The following PKIG variants were observed in gnomAD, a reference collection of about 807,000 sequenced individuals.
PKIG encodes cAMP-dependent protein kinase inhibitor gamma.
PKIG carries 1 observed loss-of-function variant against 6.8 expected under a neutral mutation model. That is an observed-to-expected ratio of 0.15 (90% CI 0.05 to 0.69). The LOEUF (loss-of-function observed/expected upper bound fraction) is 0.69, where lower values mean the gene tolerates loss of function less well. Among genes scored for constraint, PKIG ranks in the 30% least tolerant of loss-of-function variants. PKIG has a pLI of 0.82. For missense variants in PKIG, 77 were observed against 104.0 expected (o/e 0.74, Z 1.13); for synonymous variants, 39 against 43.0 (o/e 0.91, Z 0.36).
intron 1 of PKIG, among the ~76,000 whole-genome samples, chr20:44,553,144 G>A (rs576775793): frequency 6.6e-6 from 1 of 152,228 alleles, no homozygotes; most frequent in South Asian, 2.1e-4. Flanking sequence ...TAACAACCTT[G>A]CAAGAGAGAG....
chr20:44,606,801 T>TC (rs1389972103), intron 2 of PKIG, among the ~76,000 whole-genome samples: 1 of 152,164 alleles, frequency 6.6e-6, no homozygotes, highest in African/African-American at 2.4e-5. Flanking sequence ...AGAACAAGAC[T>TC]CCATCAAATA....
At chr20:44,580,343 T>G (rs2064937171), upstream of PKIG, among the ~76,000 whole-genome samples, 1 of 151,910 alleles carries the variant, frequency 6.6e-6, no homozygotes, top group African/African-American at 2.4e-5. Flanking sequence ...TTGTTTTGTT[T>G]TTTGTTTTTT....
At chr20:44,618,197 A>G in intron 3 of PKIG, 88 bp from the exon 4 acceptor site, 4 of 840,352 alleles carry the variant, frequency 4.8e-6, no homozygotes, top group South Asian at 1.3e-5. Flanking sequence ...ATCCACTGCT[A>G]TCAGTTTGGC....
At chr20:44,615,604 C>A (rs2065257536) in intron 3 of PKIG, among the ~76,000 whole-genome samples, 1 of 151,970 alleles carries the variant, frequency 6.6e-6, no homozygotes, top group Admixed American at 6.6e-5. Flanking sequence ...CCCTGCACGG[C>A]TGAGGCCTTT....
chr20:44,537,248 G>T (rs1413320740), intron 1 of PKIG, among the ~76,000 whole-genome samples: 1 of 152,174 alleles, frequency 6.6e-6, no homozygotes, highest in Non-Finnish European at 1.5e-5. Context: ...GGGATTACAG[G>T]CACGCGCCAC....
intron 1 of PKIG, among the ~76,000 whole-genome samples, chr20:44,551,932 A>G (rs2064672342): frequency 1.3e-5 from 2 of 152,184 alleles, no homozygotes; most frequent in African/African-American, 2.4e-5. Flanking sequence ...TATACAGCAG[A>G]TTTTTATTTA....
At chr20:44,612,269 T>G (rs2065226617) in intron 2 of PKIG, among the ~76,000 whole-genome samples, 1 of 152,184 alleles carries the variant, frequency 6.6e-6, no homozygotes. Context: ...AACCTCCTGG[T>G]GGACATTTGG....
At chr20:44,610,462 TTCTCTCTC>T (rs146920514) in intron 2 of PKIG, among the ~76,000 whole-genome samples, 3 of 123,342 alleles carry the variant, frequency 2.4e-5, no homozygotes, top group East Asian at 2.3e-4. Flanking sequence ...GTCTCTCTCT[TTCTCTCTC>T]TCTCTCTCTC....
At chr20:44,532,153 G>A (rs540427780) in intron 1 of PKIG, among the ~76,000 whole-genome samples, 2 of 152,290 alleles carry the variant, frequency 1.3e-5, no homozygotes, top group African/African-American at 4.8e-5. Context: ...ACCCCGCCCC[G>A]CGTTCAGGGA....
intron 2 of PKIG, among the ~76,000 whole-genome samples, chr20:44,605,639 C>T (rs898152497): frequency 2.6e-5 from 4 of 151,366 alleles, no homozygotes; most frequent in African/African-American, 7.3e-5. Context: ...AGAGGCCAGG[C>T]GTGGTGGCTC....
intron 1 of PKIG, among the ~76,000 whole-genome samples, chr20:44,534,767 C>T (rs1199037029): frequency 6.6e-6 from 1 of 152,120 alleles, no homozygotes; most frequent in Non-Finnish European, 1.5e-5. Context: ...CTGCGCCCGG[C>T]CTCATGCACC....
intron 1 of PKIG, among the ~76,000 whole-genome samples, chr20:44,576,885 G>A (rs2064903133): frequency 6.6e-6 from 1 of 152,144 alleles, no homozygotes; most frequent in African/African-American, 2.4e-5. Flanking sequence ...ACTGGGGTCA[G>A]GCTTCTCTTC....
intron 2 of PKIG, among the ~76,000 whole-genome samples, chr20:44,597,184 A>T (rs567005646): frequency 5.9e-5 from 9 of 152,256 alleles, no homozygotes; most frequent in African/African-American, 2.2e-4. Flanking sequence ...TCCACCCAGC[A>T]TTATTAGAAT....
chr20:44,543,975 A>T (rs1363759378), intron 1 of PKIG, among the ~76,000 whole-genome samples: 1 of 151,842 alleles, frequency 6.6e-6, no homozygotes, highest in African/African-American at 2.4e-5. Flanking sequence ...GAGGCAGGAG[A>T]ATCGCTTGAA....
At chr20:44,584,880 C>T (rs374625575) in intron 1 of PKIG, among the ~76,000 whole-genome samples, 6 of 152,172 alleles carry the variant, frequency 3.9e-5, no homozygotes, top group South Asian at 2.1e-4. Flanking sequence ...CCTGCCACCA[C>T]GCCCAGCTAA....
At chr20:44,556,644 T>C (rs2064716065) in intron 1 of PKIG, among the ~76,000 whole-genome samples, 1 of 152,220 alleles carries the variant, frequency 6.6e-6, no homozygotes, top group Non-Finnish European at 1.5e-5. Context: ...ATTACAGGCA[T>C]GAGCCACCGC....
intron 2 of PKIG, among the ~76,000 whole-genome samples, chr20:44,609,787 T>G (rs188406726): frequency 6.6e-6 from 1 of 152,300 alleles, no homozygotes; most frequent in African/African-American, 2.4e-5. Flanking sequence ...TTTGTCATTT[T>G]CCAGAGCAGC....
intron 2 of PKIG, among the ~76,000 whole-genome samples, chr20:44,610,436 A>ACTGAT (rs1277387026): frequency 1.3e-5 from 2 of 151,172 alleles, no homozygotes; most frequent in Non-Finnish European, 2.9e-5. Flanking sequence ...TGCCCTCCAT[A>ACTGAT]CTGATCCTCT....
intron 1 of PKIG, among the ~76,000 whole-genome samples, chr20:44,537,125 A>C (rs558862730): frequency 4.6e-5 from 7 of 150,644 alleles, no homozygotes; most frequent in African/African-American, 7.3e-5. Context: ...TTTTTTTGAG[A>C]TGGAGTTTCA....
Sources: gnomAD v4.1 joint callset for allele counts (sites outside exome capture counted in the v4.1 genomes callset) on GRCh38, gnomAD v4.1.1 for gene constraint, MANE v1.5 for transcripts, NCBI Gene and HGNC (gene_info 2026-07-23, HGNC 2026-07-21) for gene names.